Variants in ESRRG observed in about 807,000 individuals in gnomAD.
ESRRG encodes the protein estrogen-related receptor gamma.
A neutral mutation model predicts 44.0 loss-of-function variants in ESRRG; 13 were observed. The ratio of observed to expected loss-of-function variants is 0.30; its 90% CI spans 0.19 to 0.47. The LOEUF is 0.47. Ranked by LOEUF, ESRRG falls within the 20% of genes least tolerant of loss-of-function variation. The probability of loss-of-function intolerance (pLI) is 1.00; values close to 1 mark genes in which losing one functional copy is unlikely to be tolerated. For missense variants in ESRRG, 395 were observed against 580.6 expected (o/e 0.68, Z 3.29); for synonymous variants, 215 against 214.6 (o/e 1.00, Z -0.02).
intron 3 of ESRRG, among the ~76,000 whole-genome samples, chr1:216,609,278 CTT>C (rs1467317968): frequency 2.0e-5 from 3 of 152,172 alleles, no homozygotes; most frequent in Non-Finnish European, 4.4e-5. Context: ...TAGAATGTGG[CTT>C]TTGTTTATGA....
rs1035084035 is a variant in ESRRG, at chr1:216,794,551, C to G, written c.-13-117060G>C. Among the ~76,000 whole-genome samples the G allele has an allele frequency of 2.0e-5, 3 of 152,186 alleles. No individual in the cohort carries two copies. The South Asian group carries it at 6.2e-4, about 32-fold the overall frequency. ...ACCATGTAGAGAAATAAAGATGCAT[C>G]CATTTGGAAACCTCTTAGGAGATGC... On this transcript the variant is annotated intron_variant, in intron 2 of 7. Transcript: ENST00000359162.
intron 2 of ESRRG, among the ~76,000 whole-genome samples, chr1:216,749,412 A>C (rs1053904027): frequency 2.0e-5 from 3 of 152,100 alleles, no homozygotes; most frequent in African/African-American, 7.2e-5. Context: ...GTGATTAGAG[A>C]GCCCAGTGTT....
At chr1:216,982,169 G>A (rs1264535310) in intron 1 of ESRRG, among the ~76,000 whole-genome samples, 1 of 152,174 alleles carries the variant, frequency 6.6e-6, no homozygotes, top group African/African-American at 2.4e-5. Flanking sequence ...GTGTGTAACA[G>A]CTTAGCTGCA....
chr1:217,101,011 C>G (rs902933167), intron 1 of ESRRG, among the ~76,000 whole-genome samples: 4 of 152,208 alleles, frequency 2.6e-5, no homozygotes, highest in East Asian at 1.9e-4. Flanking sequence ...ATCTTTGGAA[C>G]CCTTACCATT....
At chr1:216,625,960 C>A (rs2063125967) in intron 3 of ESRRG, among the ~76,000 whole-genome samples, 1 of 152,134 alleles carries the variant, frequency 6.6e-6, no homozygotes, top group South Asian at 2.1e-4. Context: ...CTCTCTCACT[C>A]CCTCTGTCTG....
intron 1 of ESRRG, among the ~76,000 whole-genome samples, chr1:216,972,592 C>A (rs368114114): frequency 6.6e-6 from 1 of 152,144 alleles, no homozygotes; most frequent in Non-Finnish European, 1.5e-5. Context: ...GGGTCACTGA[C>A]ATGCTGGAAC....
chr1:217,122,437 T>TA (rs2092831804), intron 1 of ESRRG, among the ~76,000 whole-genome samples: 1 of 152,172 alleles, frequency 6.6e-6, no homozygotes, highest in Admixed American at 6.5e-5. Flanking sequence ...CTATATTCTA[T>TA]AGGCCTGTAA....
chr1:216,768,265 C>G lies in ESRRG; in HGVS notation c.-13-90774G>C, dbSNP rs551328836. On this transcript the variant is annotated intron_variant, in intron 2 of 7. Transcript: ENST00000359162. ...TATAGCATGTAAAACACTCATACAC[C>G]ATTGAGAAAGGGTTGATGTGAAATT... Among the ~76,000 whole-genome samples, 13 of 152,190 alleles carry G rather than the reference C, an allele frequency of 8.5e-5. No homozygotes were observed. In the East Asian group the frequency reaches 2.1e-3, roughly 25 times the overall value.
At chr1:216,966,161 G>A (rs139988256) in intron 1 of ESRRG, among the ~76,000 whole-genome samples, 2 of 152,136 alleles carry the variant, frequency 1.3e-5, no homozygotes, top group East Asian at 1.9e-4. Context: ...ATTTGGACAC[G>A]TGTCCTAGCC....
intron 1 of ESRRG, among the ~76,000 whole-genome samples, chr1:217,031,040 A>G (rs920859180): frequency 2.6e-5 from 4 of 152,204 alleles, no homozygotes; most frequent in Non-Finnish European, 4.4e-5. Context: ...GCCATGCTCT[A>G]AAGGAGAGTT....
chr1:217,012,400 G>A lies in ESRRG; in HGVS notation c.-105-72727C>T, dbSNP rs552416016. On this transcript the variant is annotated intron_variant, in intron 1 of 7. Coordinates refer to the ESRRG transcript ENST00000359162. ...CCAAACTCTCAATGCATAAAATGTG[G>A]GAAAAAGAAGCTCATGAATCCCACC... 3.3e-5 allele frequency among the ~76,000 whole-genome samples: 5 copies of A among 152,198 alleles called. No individual in the cohort carries two copies. In the South Asian group the frequency reaches 1.0e-3, roughly 32 times the overall value.
chr1:216,651,143 T>A, intron 2 of ESRRG, 54 bp from the exon 3 acceptor site: 1 of 1,163,808 alleles, frequency 8.6e-7, no homozygotes, highest in Non-Finnish European at 1.3e-6. Context: ...CAGGAAACAT[T>A]AGCTTCCCAA....
At chr1:216,997,569 T>C (rs1328409024) in intron 1 of ESRRG, among the ~76,000 whole-genome samples, 1 of 152,212 alleles carries the variant, frequency 6.6e-6, no homozygotes, top group East Asian at 1.9e-4. Context: ...GTTGTTACAT[T>C]ATAGATTCTC....
chr1:217,015,232 TG>T (rs765723353), intron 1 of ESRRG, among the ~76,000 whole-genome samples: 1 of 152,188 alleles, frequency 6.6e-6, no homozygotes, highest in East Asian at 1.9e-4. Context: ...TGTGTTTTTC[TG>T]GCTGCATTCA....
intron 1 of ESRRG, among the ~76,000 whole-genome samples, chr1:216,955,166 A>G (rs947295672): frequency 6.6e-6 from 1 of 152,044 alleles, no homozygotes; most frequent in Non-Finnish European, 1.5e-5. Context: ...GTCATTTCGT[A>G]TCTGTTAACC....
At chr1:216,516,792 T>C (rs1256142532) in intron 6 of ESRRG, among the ~76,000 whole-genome samples, 2 of 152,070 alleles carry the variant, frequency 1.3e-5, no homozygotes, top group Non-Finnish European at 2.9e-5. Flanking sequence ...TAAGCAAGTT[T>C]GAGTCTACAT....
Position 216,534,669 on chromosome 1 carries a change from G to A in ESRRG, c.863-15248C>T, listed in dbSNP as rs767280775. Among the ~76,000 whole-genome samples, 10 of 152,128 alleles carry A rather than the reference G, an allele frequency of 6.6e-5. No individual in the cohort carries two copies. The East Asian group carries it at 1.7e-3, about 26-fold the overall frequency. ...AACTGATGCAACTATTCTGCTTAAC[G>A]TATTTCTGACATATCTCTTTTGGTG... On this transcript the variant is annotated intron_variant, in intron 5 of 6. Coordinates refer to ENST00000408911, the MANE Select transcript of ESRRG (RefSeq NM_001438.4).
chr1:216,955,762 G>A (rs1010258777), intron 1 of ESRRG, among the ~76,000 whole-genome samples: 1 of 151,850 alleles, frequency 6.6e-6, no homozygotes, highest in East Asian at 1.9e-4. Flanking sequence ...ATGATATCTC[G>A]TTATGGTTTT....
At chr1:216,572,409 G>A (rs1196065127) in intron 3 of ESRRG, among the ~76,000 whole-genome samples, 1 of 152,004 alleles carries the variant, frequency 6.6e-6, no homozygotes, top group Non-Finnish European at 1.5e-5. Context: ...CTTTATTTGT[G>A]CAACTTTGAA....
Sources: allele counts gnomAD v4.1 joint callset (sites outside exome capture counted in the v4.1 genomes callset), GRCh38; gene constraint gnomAD v4.1.1; transcripts MANE v1.5; gene names NCBI Gene and HGNC (gene_info 2026-07-23, HGNC 2026-07-21).